TERB1: variants seen among roughly 807,000 people sequenced by gnomAD.
TERB1 encodes the protein telomere repeat binding bouquet formation protein 1.
A neutral mutation model predicts 92.3 loss-of-function variants in TERB1; 63 were observed. The observed-to-expected ratio is 0.68, with a 90% confidence interval of 0.56 to 0.84. The LOEUF (loss-of-function observed/expected upper bound fraction) is 0.84, where lower values mean the gene tolerates loss of function less well. Ranked by LOEUF, TERB1 falls within the 40% of genes least tolerant of loss-of-function variation. The pLI is 0.00. For missense variants in TERB1, 709 were observed against 843.7 expected, an observed-to-expected ratio of 0.84 and a Z score of 1.98; for synonymous variants, 252 against 283.9, an observed-to-expected ratio of 0.89 and a Z score of 1.13.
At chr16:66,756,035 A>G in intron 18 of TERB1, among the ~76,000 whole-genome samples, 1 of 152,232 alleles carries the variant, frequency 6.6e-6, no homozygotes. Flanking sequence ...TACTTTCTAT[A>G]AAGAAAGAAT....
Sources: allele counts gnomAD v4.1 joint callset (sites outside exome capture counted in the v4.1 genomes callset), GRCh38; gene constraint gnomAD v4.1.1; transcripts MANE v1.5; gene names NCBI Gene and HGNC (gene_info 2026-07-23, HGNC 2026-07-21).